The following TMTC2 variants were observed in gnomAD, a reference collection of about 807,000 sequenced individuals.
TMTC2 encodes the protein protein O-mannosyl-transferase TMTC2.
TMTC2 carries 43 observed loss-of-function variants against 82.4 expected under a neutral mutation model. The observed-to-expected ratio is 0.52, with a 90% CI of 0.41 to 0.67. TMTC2 has a LOEUF of 0.67. Ranked by LOEUF, TMTC2 falls within the 30% of genes least tolerant of loss-of-function variation. The probability of loss-of-function intolerance (pLI) is 0.00; values close to 1 mark genes in which losing one functional copy is unlikely to be tolerated. For synonymous variants in TMTC2, 408 were observed against 381.9 expected (o/e 1.07, Z -0.80); for missense variants, 919 against 1,012.4 (o/e 0.91, Z 1.25).
In TMTC2 at chr12:83,133,780, T is replaced by C. The variant is rs1885341580; in HGVS notation, c.*1391T>C. ...ATAAAACACTAGTCCGTTATCAACTTCTTCACAGAGAAAGTAGCTATACTA... is the reference window on the plus strand; with the variant it reads ...ATAAAACACTAGTCCGTTATCAACTCCTTCACAGAGAAAGTAGCTATACTA... On this transcript the variant is annotated 3_prime_UTR_variant, in exon 12 of 12. Transcript: ENST00000321196. 6.6e-6 allele frequency: 1 copy of C among 152,232 alleles called. No individual in the cohort carries two copies. Among genetic ancestry groups the C allele is most frequent in the Non-Finnish European group, 1.5e-5 (1 of 68,032 alleles). 9.4% of individuals were successfully genotyped at this position (152,232 alleles called of 1,614,324 possible). A position where few individuals can be genotyped will look rare whatever the true frequency, so the allele number is the denominator to read the frequency against.
intron 3 of TMTC2, among the ~76,000 whole-genome samples, chr12:82,912,106 A>C (rs571541707): frequency 6.6e-6 from 1 of 152,240 alleles, no homozygotes; most frequent in East Asian, 1.9e-4. Flanking sequence ...TGCAAAACAC[A>C]TAAGATATTA....
intron 4 of TMTC2, among the ~76,000 whole-genome samples, chr12:82,938,921 T>G (rs1287054276): frequency 6.6e-6 from 1 of 152,188 alleles, no homozygotes; most frequent in African/African-American, 2.4e-5. Context: ...TACATGTGGT[T>G]ATGTATACAC....
chr12:82,775,452 G>C (rs1877539373), intron 1 of TMTC2, among the ~76,000 whole-genome samples: 1 of 151,820 alleles, frequency 6.6e-6, no homozygotes, highest in South Asian at 2.1e-4. Flanking sequence ...CCTGTCTCCA[G>C]GGGGGCGGGC....
At chr12:82,860,211 A>T (rs955109920) in intron 2 of TMTC2, among the ~76,000 whole-genome samples, 15 of 152,170 alleles carry the variant, frequency 9.9e-5, no homozygotes, top group African/African-American at 3.6e-4. Context: ...TGACCTTGTG[A>T]TCCGCCCGCC....
At chr12:82,956,296 AAT>A (rs146632110) in intron 4 of TMTC2, among the ~76,000 whole-genome samples, 17 of 150,018 alleles carry the variant, frequency 1.1e-4, no homozygotes, top group Admixed American at 1.3e-4. Context: ...TGGAATGAAA[AAT>A]ATATATATAT....
chr12:82,850,185 G>A (rs534331407), intron 1 of TMTC2, among the ~76,000 whole-genome samples: 16 of 152,172 alleles, frequency 1.1e-4, no homozygotes, highest in East Asian at 7.7e-4. Context: ...TGTCCAGTGC[G>A]CAATGCTATA....
chr12:82,984,062 A>C (rs1405081276), intron 7 of TMTC2, among the ~76,000 whole-genome samples: 1 of 152,190 alleles, frequency 6.6e-6, no homozygotes, highest in East Asian at 1.9e-4. Flanking sequence ...GAAATTAAAA[A>C]AACAATTTCT....
chr12:82,761,726 C>G (rs555010953), intron 1 of TMTC2, among the ~76,000 whole-genome samples: 1 of 152,172 alleles, frequency 6.6e-6, no homozygotes, highest in South Asian at 2.1e-4. Flanking sequence ...GTGCTGTGTA[C>G]CCAGATTTCA....
chr12:82,956,244 T>G (rs955527015), intron 4 of TMTC2, among the ~76,000 whole-genome samples: 1 of 152,102 alleles, frequency 6.6e-6, no homozygotes, highest in Non-Finnish European at 1.5e-5. Context: ...TAATCATTAA[T>G]GTAAGTGGTC....
chr12:82,795,406 A>G (rs183337873), intron 1 of TMTC2, among the ~76,000 whole-genome samples: 7 of 152,042 alleles, frequency 4.6e-5, no homozygotes, highest in East Asian at 1.9e-4. Context: ...TCTCAGTCAT[A>G]TGTTGATATC....
chr12:82,958,371 CAAAAA>C (rs920765326), intron 4 of TMTC2, among the ~76,000 whole-genome samples: 6 of 18,926 alleles, frequency 3.2e-4, no homozygotes, highest in Admixed American at 9.3e-4. Flanking sequence ...AAAAAAAAAA[CAAAAA>C]AAACAAAAAA....
At chr12:83,105,651 C>T (rs1014976071) in intron 11 of TMTC2, among the ~76,000 whole-genome samples, 6 of 152,304 alleles carry the variant, frequency 3.9e-5, no homozygotes, top group Middle Eastern at 6.8e-3. Context: ...TCCCACGACC[C>T]AAACACCACC....
At chr12:83,061,628 T>G in intron 10 of TMTC2, 140 bp from the exon 11 acceptor site, 1 of 585,684 alleles carries the variant, frequency 1.7e-6, no homozygotes, top group South Asian at 3.0e-5. Flanking sequence ...ACTCAATTTT[T>G]AAGTCTTTTT....
At chr12:82,774,627 A>AT (rs1188545755) in intron 1 of TMTC2, among the ~76,000 whole-genome samples, 2 of 148,414 alleles carry the variant, frequency 1.3e-5, no homozygotes, top group African/African-American at 5.1e-5. Context: ...TCAAAAAAAA[A>AT]GAACAATTTT....
At chr12:82,733,521 C>T (rs895528751) in intron 1 of TMTC2, among the ~76,000 whole-genome samples, 3 of 152,152 alleles carry the variant, frequency 2.0e-5, no homozygotes, top group Non-Finnish European at 2.9e-5. Context: ...CTAAGAACTA[C>T]TTATGAACAG....
At chr12:82,728,814 G>C (rs1874599423) in intron 1 of TMTC2, among the ~76,000 whole-genome samples, 1 of 152,234 alleles carries the variant, frequency 6.6e-6, no homozygotes, top group South Asian at 2.1e-4. Flanking sequence ...AGTGCTTGCA[G>C]GCCAGCGCGA....
At chr12:83,057,377 A>G (rs920175717) in intron 10 of TMTC2, among the ~76,000 whole-genome samples, 3 of 152,018 alleles carry the variant, frequency 2.0e-5, no homozygotes, top group African/African-American at 4.8e-5. Context: ...TTTAAAATTC[A>G]GAAGCCATTT....
chr12:83,047,594 T>C (rs1882189347), intron 9 of TMTC2, among the ~76,000 whole-genome samples: 2 of 152,162 alleles, frequency 1.3e-5, no homozygotes, highest in African/African-American at 4.8e-5. Context: ...GAGAAGAGAA[T>C]AGAGGAAAAT....
At chr12:83,081,522 G>A (rs28572541) in intron 11 of TMTC2, among the ~76,000 whole-genome samples, 58,620 of 151,872 alleles carry the variant, frequency 0.39, 11,332 homozygotes, top group Middle Eastern at 0.43. Context: ...AGAATGATCT[G>A]GATGCATCAC....
Sources: allele counts gnomAD v4.1 joint callset (sites outside exome capture counted in the v4.1 genomes callset), GRCh38; gene constraint gnomAD v4.1.1; transcripts MANE v1.5; gene names NCBI Gene and HGNC (gene_info 2026-07-23, HGNC 2026-07-21).